Variants in ZC3H15 observed in about 807,000 individuals in gnomAD.
ZC3H15 encodes zinc finger CCCH-type containing 15, also known as zinc finger CCCH domain-containing protein 15.
ZC3H15 carries 15 observed loss-of-function variants against 51.2 expected under a neutral mutation model. That is an observed-to-expected ratio of 0.29 (90% confidence interval 0.20 to 0.45). The LOEUF is 0.45. Among genes scored for constraint, ZC3H15 ranks in the 20% least tolerant of loss-of-function variants. The pLI is 1.00. For missense variants in ZC3H15, 381 were observed against 494.7 expected (o/e 0.77, Z 2.18); for synonymous variants, 144 against 162.8 (o/e 0.88, Z 0.88).
rs183620297 is a variant in ZC3H15, at chr2:186,490,974, G to A, written c.76-4259G>A. Among the ~76,000 whole-genome samples the A allele has an allele frequency of 2.6e-5, 4 of 152,208 alleles. No individual in the cohort carries two copies. The East Asian group carries it at 7.7e-4, about 29-fold the overall frequency. On this transcript the variant is annotated intron_variant, in intron 1 of 9. Coordinates refer to ENST00000337859, the MANE Select transcript of ZC3H15 (RefSeq NM_018471.3). ...CTAGTTTTATTTTAACTGTGGTTTG[G>A]GGTTGACTGTAACCTCCTTTTTTTC...
chr2:186,500,061 A>G, intron 2 of ZC3H15, 121 bp from the exon 3 acceptor site: 2 of 773,210 alleles, frequency 2.6e-6, no homozygotes, highest in South Asian at 3.9e-5. Context: ...CCATTATAAC[A>G]CTGATGTTAA....
At chr2:186,508,349 T>C (rs559898456) in intron 9 of ZC3H15, among the ~76,000 whole-genome samples, 194 bp from the exon 10 acceptor site, 1 of 152,326 alleles carries the variant, frequency 6.6e-6, no homozygotes, top group East Asian at 1.9e-4. Context: ...AACAGTATTT[T>C]ATAGTAGGTA....
rs1292984434 is a variant in ZC3H15, at chr2:186,489,462, A to G, written c.75+3005A>G. Among the ~76,000 whole-genome samples the G allele has an allele frequency of 2.0e-5, 3 of 152,342 alleles. No individual in the cohort carries two copies. The East Asian group carries it at 5.8e-4, about 29-fold the overall frequency. On this transcript the variant is annotated intron_variant, in intron 1 of 9. Transcript: ENST00000337859. ...TGACTGTTATAATTTTGGAGGGGGA[A>G]ATACTACTTTTTTATAGTCTATTTT...
At position 186,501,284 on chromosome 2, in the gene ZC3H15, A is replaced by G; in HGVS notation, c.301A>G (p.Lys101Glu). 1 of 1,607,346 alleles carries G rather than the reference A, an allele frequency of 6.2e-7. No homozygotes were observed. Among genetic ancestry groups the G allele is most frequent in the Non-Finnish European group, 8.5e-7 (1 of 1,176,908 alleles). ...AQKISKGADP[K>E]SVVCAFFKQG... ...GCCATTTGACATAGGTGCAGATCCCAAGTCTGTAGTATGTGCATTCTTCAA... is the reference window on the plus strand; with the variant it reads ...GCCATTTGACATAGGTGCAGATCCCGAGTCTGTAGTATGTGCATTCTTCAA... The change falls in exon 4 of 10, where the codon AAG (lysine) becomes GAG (glutamate). Residue 101 changes from lysine to glutamate, a missense_variant. By Grantham distance (56) the Lys-to-Glu change is moderately conservative. This residue lies in a region of ZC3H15 where 125 missense variants were observed against 166.3 expected (regional missense o/e 0.75). Coordinates refer to ENST00000337859, the MANE Select transcript of ZC3H15 (RefSeq NM_018471.3).
In ZC3H15 at chr2:186,486,312, C is replaced by G. The variant is rs897956223; in HGVS notation, c.-71C>G. On this transcript the variant is annotated 5_prime_UTR_variant, in exon 1 of 10. Transcript: ENST00000337859. The stretch of plus-strand genomic sequence containing the variant: ...TGAGGCCCCGGTCTTCCTCCTCGTC[C>G]TGCCGCAGGGCCAGAACCCCTGACG... The G allele has an allele frequency of 7.2e-7, 1 of 1,394,840 alleles. No homozygotes were observed. The highest frequency in any genetic ancestry group is 1.5e-5 in the African/African-American group (1 of 67,998). The allele number at this position is 1,394,840 out of a possible 1,614,324, so 86.4% of individuals were successfully genotyped here. A position where few individuals can be genotyped will look rare whatever the true frequency, so the allele number is the denominator to read the frequency against.
chr2:186,499,018 A>C (rs1184901271), intron 2 of ZC3H15, among the ~76,000 whole-genome samples: 1 of 152,072 alleles, frequency 6.6e-6, no homozygotes, highest in African/African-American at 2.4e-5. Flanking sequence ...TTACCCTGAA[A>C]CCTGTTCCTC....
chr2:186,494,315 T>G (rs1417721404), intron 1 of ZC3H15, among the ~76,000 whole-genome samples: 1 of 152,220 alleles, frequency 6.6e-6, no homozygotes, highest in Non-Finnish European at 1.5e-5. Context: ...TTCAGTAGTT[T>G]GATTTCTTTA....
At chr2:186,497,494 G>C (rs1291743263) in intron 2 of ZC3H15, among the ~76,000 whole-genome samples, 1 of 152,212 alleles carries the variant, frequency 6.6e-6, no homozygotes, top group Non-Finnish European at 1.5e-5. Flanking sequence ...ATAGACTTGG[G>C]TGTGAATCTT....
chr2:186,486,451 T>A lies in ZC3H15; in HGVS notation c.69T>A (p.Ile23=), dbSNP rs1269829838. 1 of 1,565,624 alleles carries A rather than the reference T, an allele frequency of 6.4e-7. No homozygotes were observed. The highest frequency in any genetic ancestry group is 1.2e-5 in the South Asian group (1 of 85,004). Residue 23 remains isoleucine (I), a synonymous_variant, in exon 1 of 10, where the codon ATT becomes ATA. Coordinates refer to ENST00000337859, the MANE Select transcript of ZC3H15 (RefSeq NM_018471.3). ...KKAEQKKKEK[I]IEDKTFGLKN... ...CGGAGCAAAAAAAGAAGGAGAAGATTATCGAAGTGAGTACCCACCCCTCCC... is the reference window on the plus strand; with the variant it reads ...CGGAGCAAAAAAAGAAGGAGAAGATAATCGAAGTGAGTACCCACCCCTCCC...
In ZC3H15 at chr2:186,509,254, A is replaced by T. The variant is rs1685516894; in HGVS notation, c.*521A>T. 4.8e-6 allele frequency: 1 copy of T among 207,528 alleles called. No individual in the cohort carries two copies. Among genetic ancestry groups the T allele is most frequent in the African/African-American group, 2.4e-5 (1 of 42,236 alleles). 12.9% of individuals were successfully genotyped at this position (207,528 alleles called of 1,614,324 possible). A position where few individuals can be genotyped will look rare whatever the true frequency, so the allele number is the denominator to read the frequency against. On this transcript the variant is annotated 3_prime_UTR_variant, in exon 10 of 10. Transcript: ENST00000337859. ...GGACATTTAAAATGGAACTTCTTTT[A>T]TCTGACAGGATCAGCTACAATGCCC...
chr2:186,497,252 T>C (rs954761634), intron 2 of ZC3H15: 9 of 323,790 alleles, frequency 2.8e-5, no homozygotes, highest in Admixed American at 1.5e-4. Flanking sequence ...TGCTAATATG[T>C]ATTTGTGAGA....
At chr2:186,496,977 C>T in intron 2 of ZC3H15, 4 of 313,046 alleles carry the variant, frequency 1.3e-5, no homozygotes, top group African/African-American at 4.6e-5. Flanking sequence ...TCTATTTTTC[C>T]TGGTTGTTCT....
intron 3 of ZC3H15, 149 bp downstream of exon 3, chr2:186,500,442 T>C: frequency 5.5e-6 from 4 of 721,026 alleles, no homozygotes; most frequent in South Asian, 1.8e-5. Context: ...GTCAGTGGGT[T>C]GCTTATGATT....
At chr2:186,489,267 T>C (rs1685156646) in intron 1 of ZC3H15, among the ~76,000 whole-genome samples, 2 of 152,242 alleles carry the variant, frequency 1.3e-5, no homozygotes, top group Non-Finnish European at 2.9e-5. Flanking sequence ...TTTTGAATTG[T>C]AGTGTTAAGT....
chr2:186,494,348 G>A (rs879454795), intron 1 of ZC3H15, among the ~76,000 whole-genome samples: 6 of 151,984 alleles, frequency 3.9e-5, no homozygotes, highest in Admixed American at 2.6e-4. Context: ...GTTTTTGAGA[G>A]GATAACATTT....
chr2:186,497,903 T>C (rs1161333491), intron 2 of ZC3H15, among the ~76,000 whole-genome samples: 1 of 152,166 alleles, frequency 6.6e-6, no homozygotes, highest in Admixed American at 6.5e-5. Flanking sequence ...AAATGAGCAG[T>C]AGTGCTGCTC....
In ZC3H15 at chr2:186,500,167, C is replaced by T; in HGVS notation, c.178-15C>T. Reference sequence around the variant, plus strand: ...AAACAATCAAATTTACATTTTAAACCTGGGAATATTATAGGTAGCACAGAG... The same window carrying T: ...AAACAATCAAATTTACATTTTAAACTTGGGAATATTATAGGTAGCACAGAG... On this transcript the variant is annotated splice_polypyrimidine_tract_variant and intron_variant, in intron 2 of 9. Coordinates refer to ENST00000337859, the MANE Select transcript of ZC3H15 (RefSeq NM_018471.3). 6.3e-7 allele frequency: 1 copy of T among 1,581,940 alleles called. No homozygotes were observed. Among genetic ancestry groups the T allele is most frequent in the South Asian group, 1.2e-5 (1 of 84,956 alleles).
At chr2:186,497,928 G>C (rs1043291091) in intron 2 of ZC3H15, among the ~76,000 whole-genome samples, 3 of 152,036 alleles carry the variant, frequency 2.0e-5, no homozygotes, top group East Asian at 1.9e-4. Context: ...AGCTGGACAG[G>C]GGGTATCCTG....
chr2:186,504,103 T>A lies in ZC3H15; in HGVS notation c.606T>A (p.Gly202=). The A allele has an allele frequency of 6.2e-7, 1 of 1,607,898 alleles. No homozygotes were observed. The highest frequency in any genetic ancestry group is 2.2e-5 in the East Asian group (1 of 44,570). Residue 202 remains glycine (G), a synonymous_variant, in exon 6 of 10, where the codon GGT becomes GGA. Transcript: ENST00000337859. ...GGTTTTGGGTATGCCCTGGAGGGGG[T>A]GATATTTGCATGTATCGTCATGCAC... ...YGWFWVCPGG[G]DICMYRHALP...
Sources: allele counts gnomAD v4.1 joint callset (sites outside exome capture counted in the v4.1 genomes callset), GRCh38; gene constraint gnomAD v4.1.1; regional missense constraint gnomAD v4.1.1; transcripts MANE v1.5; gene names NCBI Gene and HGNC (gene_info 2026-07-23, HGNC 2026-07-21).